The following SPMIP2 variants were observed in gnomAD, a reference collection of about 807,000 sequenced individuals.
SPMIP2 encodes the protein protein SPMIP2.
chr4:159,052,675 C>T, the SPMIP2 span, among the ~76,000 whole-genome samples: 1 of 151,016 alleles, frequency 6.6e-6, no homozygotes, highest in Non-Finnish European at 1.5e-5. Flanking sequence ...CTCTTGTTGC[C>T]TAGGCTGGAG....
chr4:159,044,353 A>G, the SPMIP2 span, among the ~76,000 whole-genome samples: 5 of 136,774 alleles, frequency 3.7e-5, no homozygotes, highest in African/African-American at 1.4e-4. Flanking sequence ...TGGGTGACAG[A>G]TTGAGACTCC....
the SPMIP2 span, among the ~76,000 whole-genome samples, chr4:159,026,923 GAAGTT>G: frequency 1.3e-5 from 2 of 150,552 alleles, no homozygotes; most frequent in African/African-American, 4.9e-5. Flanking sequence ...CAAAAAACTT[GAAGTT>G]AAGACAAAGC....
chr4:159,071,823 T>C, the SPMIP2 span, among the ~76,000 whole-genome samples: 1 of 152,130 alleles, frequency 6.6e-6, no homozygotes, highest in Non-Finnish European at 1.5e-5. Context: ...TCCAAAATCC[T>C]GGGTTGCAGG....
the SPMIP2 span, among the ~76,000 whole-genome samples, chr4:158,966,828 T>C: frequency 1.3e-5 from 2 of 152,174 alleles, no homozygotes; most frequent in Non-Finnish European, 2.9e-5. Context: ...AATTTTCACA[T>C]CCTAACAAAT....
chr4:158,914,948 C>A, the SPMIP2 span, among the ~76,000 whole-genome samples: 1 of 152,172 alleles, frequency 6.6e-6, no homozygotes. Flanking sequence ...ATTCTGAGGA[C>A]ACAACCTCTT....
chr4:159,016,495 A>T, the SPMIP2 span, among the ~76,000 whole-genome samples: 1 of 152,294 alleles, frequency 6.6e-6, no homozygotes, highest in East Asian at 1.9e-4. Context: ...AAAATTACAG[A>T]TCATTTTCTA....
At chr4:158,934,206 A>T in the SPMIP2 span, among the ~76,000 whole-genome samples, 6 of 152,214 alleles carry the variant, frequency 3.9e-5, no homozygotes, top group African/African-American at 1.4e-4. Flanking sequence ...CACACCCGTA[A>T]TCCCAGCACT....
At chr4:159,052,073 C>T in the SPMIP2 span, among the ~76,000 whole-genome samples, 1 of 151,992 alleles carries the variant, frequency 6.6e-6, no homozygotes, top group Non-Finnish European at 1.5e-5. Flanking sequence ...TTGCAAGATT[C>T]CCCCCAGAAA....
At chr4:158,997,925 G>C in the SPMIP2 span, among the ~76,000 whole-genome samples, 18 of 152,222 alleles carry the variant, frequency 1.2e-4, no homozygotes, top group South Asian at 2.9e-3. Flanking sequence ...CCAAAGTGCT[G>C]GGATTACTGA....
the SPMIP2 span, chr4:159,007,633 A>G: frequency 2.2e-6 from 2 of 907,066 alleles, no homozygotes; most frequent in South Asian, 2.5e-5. Flanking sequence ...GAACGTCGGG[A>G]TGCTGTGGCC....
At chr4:159,073,515 AAAAT>A in the SPMIP2 span, among the ~76,000 whole-genome samples, 1 of 152,190 alleles carries the variant, frequency 6.6e-6, no homozygotes, top group African/African-American at 2.4e-5. Flanking sequence ...TTTGACCAAA[AAAAT>A]AAATAAGTAA....
the SPMIP2 span, among the ~76,000 whole-genome samples, chr4:159,041,276 A>G: frequency 6.6e-6 from 1 of 152,170 alleles, no homozygotes; most frequent in East Asian, 1.9e-4. Flanking sequence ...GGATGATGCA[A>G]CACTTAGGCT....
the SPMIP2 span, among the ~76,000 whole-genome samples, chr4:159,072,037 C>T: frequency 6.6e-6 from 1 of 152,216 alleles, no homozygotes; most frequent in Non-Finnish European, 1.5e-5. Flanking sequence ...TAGAGCCAGA[C>T]ATCTGTGGCT....
the SPMIP2 span, among the ~76,000 whole-genome samples, chr4:159,001,860 C>G: frequency 6.6e-6 from 1 of 152,082 alleles, no homozygotes; most frequent in Non-Finnish European, 1.5e-5. Flanking sequence ...GGTTTTATAC[C>G]CAGTAATGGG....
the SPMIP2 span, chr4:159,035,239 T>A: frequency 4.7e-6 from 3 of 637,182 alleles, no homozygotes; most frequent in Non-Finnish European, 8.4e-6. Context: ...TGACTCTTTA[T>A]GACAGGGAGA....
At chr4:158,955,747 G>A in the SPMIP2 span, among the ~76,000 whole-genome samples, 1 of 151,912 alleles carries the variant, frequency 6.6e-6, no homozygotes, top group African/African-American at 2.4e-5. Context: ...GTTTTACACT[G>A]GAGGCCAAAA....
the SPMIP2 span, among the ~76,000 whole-genome samples, chr4:158,903,975 A>C: frequency 6.6e-6 from 1 of 152,246 alleles, no homozygotes; most frequent in African/African-American, 2.4e-5. Context: ...TTAAATGCTC[A>C]GTGAGGATCC....
the SPMIP2 span, among the ~76,000 whole-genome samples, chr4:158,980,117 A>T: frequency 6.6e-6 from 1 of 152,166 alleles, no homozygotes; most frequent in Admixed American, 6.5e-5. Flanking sequence ...CACCCTCCAC[A>T]GCTCAGCAAA....
the SPMIP2 span, among the ~76,000 whole-genome samples, chr4:158,959,512 A>G: frequency 6.6e-6 from 1 of 152,052 alleles, no homozygotes; most frequent in African/African-American, 2.4e-5. Context: ...GATGCAGTTT[A>G]TGTTGGTATA....
Sources: gnomAD v4.1 joint callset for allele counts (sites outside exome capture counted in the v4.1 genomes callset) on GRCh38, gnomAD v4.1.1 for gene constraint, MANE v1.5 for transcripts, NCBI Gene and HGNC (gene_info 2026-07-23, HGNC 2026-07-21) for gene names.